Variants in WDHD1 observed in about 807,000 individuals in gnomAD.
WDHD1 encodes WD repeat and HMG-box DNA-binding protein 1.
A neutral mutation model predicts 135.4 loss-of-function variants in WDHD1; 111 were observed. The ratio of observed to expected loss-of-function variants is 0.82; its 90% CI spans 0.70 to 0.96. The LOEUF is 0.96. WDHD1 is among the 40% of genes least tolerant of loss of function. The pLI is 0.00. For missense variants in WDHD1, 1,351 were observed against 1,336.3 expected (o/e 1.01, Z -0.17); for synonymous variants, 434 against 439.0 (o/e 0.99, Z 0.14).
chr14:54,960,956 T>C (rs962680342), intron 21 of WDHD1, among the ~76,000 whole-genome samples: 2 of 152,192 alleles, frequency 1.3e-5, no homozygotes, highest in South Asian at 2.1e-4. Context: ...TGTACTACCA[T>C]GCCTGGCTAA....
intron 16 of WDHD1, among the ~76,000 whole-genome samples, chr14:54,978,155 T>G (rs1481187503): frequency 2.6e-5 from 4 of 152,216 alleles, no homozygotes; most frequent in Non-Finnish European, 5.9e-5. Context: ...GTAAAAATCC[T>G]CATAGGTTCA....
At chr14:54,960,145 T>G (rs968174309) in intron 21 of WDHD1, among the ~76,000 whole-genome samples, 1 of 152,130 alleles carries the variant, frequency 6.6e-6, no homozygotes, top group Non-Finnish European at 1.5e-5. Flanking sequence ...TTCAATCTCA[T>G]TTGGACTGCC....
intron 24 of WDHD1, among the ~76,000 whole-genome samples, chr14:54,954,001 T>A (rs1037806063): frequency 1.3e-5 from 2 of 151,868 alleles, no homozygotes; most frequent in African/African-American, 4.8e-5. Context: ...AGGGATAGCA[T>A]TAGGAGATAT....
chr14:54,992,421 C>T (rs1000322278), intron 11 of WDHD1, among the ~76,000 whole-genome samples: 7 of 152,162 alleles, frequency 4.6e-5, no homozygotes, highest in Non-Finnish European at 1.5e-5. Flanking sequence ...ACCCAGAGGG[C>T]AGAGGTTGCA....
chr14:54,964,046 T>C (rs1400382060), intron 18 of WDHD1, among the ~76,000 whole-genome samples: 1 of 152,154 alleles, frequency 6.6e-6, no homozygotes, highest in Non-Finnish European at 1.5e-5. Context: ...AGGTTGAGGC[T>C]GCAGTGAGTT....
In WDHD1 at chr14:54,967,384, A is replaced by C; in HGVS notation, c.2074T>G (p.Cys692Gly). The change falls in exon 17 of 26, where the codon TGT becomes GGT. Residue 692 changes from cysteine to glycine, a missense_variant. Around this residue, in one of 2 missense-constraint regions of WDHD1, gnomAD observed 1,330 missense variants for 1,296.1 expected, o/e 1.03. Transcript: ENST00000360586. ...GTTGGGGGAAACCGAGAACCTTTAC[A>C]AGGAATGCACCTGTTAGTAAAGAAA... ...ENPQQLRCIP[C>G]KGSRFPPTLP... 2 of 1,609,910 alleles carry C rather than the reference A, an allele frequency of 1.2e-6. No homozygotes were observed. The highest frequency in any genetic ancestry group is 8.5e-7 in the Non-Finnish European group (1 of 1,177,576).
At position 54,941,577 on chromosome 14, in the gene WDHD1, T is replaced by C. The variant is rs2040839148; in HGVS notation, c.3303A>G (p.Lys1101=). The stretch of plus-strand genomic sequence containing the variant: ...GCTTTTTAGACAAATTCAGGTTCTC[T>C]TTTGCTTTTTCTTCCTGGTTTTCTG... The part of the protein sequence containing the change: ...DETENQEEKA[K]ENLNLSKKQK... The change falls in exon 26 of 26, where the codon AAA becomes AAG. Residue 1101 remains lysine (K), a synonymous_variant. Coordinates refer to ENST00000360586, the MANE Select transcript of WDHD1 (RefSeq NM_007086.4). The C allele has an allele frequency of 6.2e-7, 1 of 1,614,018 alleles. No individual in the cohort carries two copies. The highest frequency in any genetic ancestry group is 8.5e-7 in the Non-Finnish European group (1 of 1,179,948).
At chr14:55,026,145 A>G (rs767992947) in intron 2 of WDHD1, among the ~76,000 whole-genome samples, 2 of 152,214 alleles carry the variant, frequency 1.3e-5, no homozygotes, top group Non-Finnish European at 2.9e-5. Context: ...AGCAAAAGAG[A>G]CACACAAGTA....
rs369038111 is a variant in WDHD1, at chr14:54,984,787, C to T, written c.1842G>A (p.Leu614=). ...LELGKKKKQI[L]HGDPLPLTRK... ...TTGTAAGAGGAAGAGGGTCACCATG[C>T]AAAATTTGTTTTTTCTTTTTCCCCA... The change falls in exon 15 of 26, where the codon TTG becomes TTA. Residue 614 remains leucine (L), a synonymous_variant. Transcript: ENST00000360586. 3 of 1,613,784 alleles carry T rather than the reference C, an allele frequency of 1.9e-6. No homozygotes were observed. Among genetic ancestry groups the T allele is most frequent in the Non-Finnish European group, 2.5e-6 (3 of 1,179,882 alleles).
At position 55,016,732 on chromosome 14, in the gene WDHD1, T is replaced by C. The variant is rs150897262; in HGVS notation, c.78-3136A>G. Among the ~76,000 whole-genome samples, 824 of 152,350 alleles carry C rather than the reference T, an allele frequency of 5.4e-3. 10 individuals carry two copies. Among genetic ancestry groups the C allele is most frequent in the African/African-American group, 0.018 (764 of 41,586 alleles). ...TAACCTTAATTGATTTAAACCTACATAGCTGCATGTGGCTAGTAGCTACTG... is the reference window on the plus strand; with the variant it reads ...TAACCTTAATTGATTTAAACCTACACAGCTGCATGTGGCTAGTAGCTACTG... On this transcript the variant is annotated intron_variant, in intron 2 of 25. Coordinates refer to ENST00000360586, the MANE Select transcript of WDHD1 (RefSeq NM_007086.4).
At chr14:54,962,897 C>G in intron 19 of WDHD1, 44 bp from the exon 20 acceptor site, 1 of 1,610,788 alleles carries the variant, frequency 6.2e-7, no homozygotes, top group Non-Finnish European at 8.5e-7. Flanking sequence ...ATGCAAAGAC[C>G]AACTTAACAT....
chr14:55,004,960 A>G, intron 7 of WDHD1: 1 of 540,212 alleles, frequency 1.9e-6, no homozygotes. Context: ...CCATCAGACC[A>G]GTCTGCAACC....
At chr14:54,976,352 G>A (rs182077682) in intron 16 of WDHD1, among the ~76,000 whole-genome samples, 136 of 152,190 alleles carry the variant, frequency 8.9e-4, no homozygotes, top group Non-Finnish European at 1.5e-3. Context: ...CTCCCGAGCA[G>A]CTGGGACTAC....
chr14:55,014,622 T>A (rs2042230395), intron 2 of WDHD1, among the ~76,000 whole-genome samples: 1 of 152,154 alleles, frequency 6.6e-6, no homozygotes, highest in African/African-American at 2.4e-5. Flanking sequence ...TTTAAACTTA[T>A]CTTCCAAATG....
At chr14:55,011,011 C>T (rs2042159611) in intron 3 of WDHD1, among the ~76,000 whole-genome samples, 1 of 152,240 alleles carries the variant, frequency 6.6e-6, no homozygotes, top group South Asian at 2.1e-4. Context: ...CATATTCTCC[C>T]TCAGAGCCTT....
At chr14:54,992,075 T>C (rs751572994) in intron 11 of WDHD1, among the ~76,000 whole-genome samples, 22 of 151,804 alleles carry the variant, frequency 1.4e-4, no homozygotes, top group Admixed American at 1.4e-3. Flanking sequence ...CTGGCCAACA[T>C]GGTGAAACCC....
At chr14:54,972,502 T>C (rs1212146571) in intron 16 of WDHD1, among the ~76,000 whole-genome samples, 2 of 123,494 alleles carry the variant, frequency 1.6e-5, no homozygotes, top group Non-Finnish European at 3.2e-5. Context: ...CTCTTGAACC[T>C]GGGAAATTGC....
intron 24 of WDHD1, among the ~76,000 whole-genome samples, chr14:54,953,356 C>T (rs912288563): frequency 6.6e-6 from 1 of 152,162 alleles, no homozygotes; most frequent in African/African-American, 2.4e-5. Context: ...ATGCAGCCAA[C>T]AGACACATGA....
In WDHD1 at chr14:54,962,998, C is replaced by A. The variant is rs1454826383; in HGVS notation, c.2485G>T (p.Glu829Ter). ...KAAELTATQVEEEEEEEDFRK... is the reference protein window; with the variant it reads ...KAAELTATQV ...AAATCTTCTTCTTCTTCTTCCTCTT[C>A]CACCTGGGTTGCTGTCAATTCGGCT... Residue 829 changes from glutamate to a stop codon, truncating the protein, a stop_gained, in exon 19 of 26, where the codon GAA becomes TAA. Coordinates refer to ENST00000360586, the MANE Select transcript of WDHD1 (RefSeq NM_007086.4). LOFTEE classifies it high-confidence loss of function. The A allele has an allele frequency of 1.2e-6, 2 of 1,613,718 alleles. No homozygotes were observed. The highest frequency in any genetic ancestry group is 1.7e-6 in the Non-Finnish European group (2 of 1,179,900).
Sources: allele counts gnomAD v4.1 joint callset (sites outside exome capture counted in the v4.1 genomes callset), GRCh38; gene constraint gnomAD v4.1.1; regional missense constraint gnomAD v4.1.1; transcripts MANE v1.5; gene names NCBI Gene and HGNC (gene_info 2026-07-23, HGNC 2026-07-21).